The following LRRC37A2 variants were observed in gnomAD, a reference collection of about 807,000 sequenced individuals.
LRRC37A2 encodes the protein leucine-rich repeat-containing protein 37A2.
LRRC37A2 carries 9 observed loss-of-function variants against 68.8 expected under a neutral mutation model. That is an observed-to-expected ratio of 0.13 (90% CI 0.08 to 0.23). LRRC37A2 has a LOEUF of 0.23. Among genes scored for constraint, LRRC37A2 ranks in the 10% least tolerant of loss-of-function variants. The probability of loss-of-function intolerance (pLI) is 1.00; values close to 1 mark genes in which losing one functional copy is unlikely to be tolerated. For missense variants in LRRC37A2, 168 were observed against 950.4 expected (o/e 0.18, Z 10.82); for synonymous variants, 63 against 367.6 (o/e 0.17, Z 9.48).
chr17:46,784,967 C>T, the LRRC37A2 span, among the ~76,000 whole-genome samples: 46 of 152,066 alleles, frequency 3.0e-4, no homozygotes, highest in South Asian at 6.2e-4. Context: ...TTAGTAGAGA[C>T]GGGGTTTCAC....
chr17:46,972,387 T>C, the LRRC37A2 span, among the ~76,000 whole-genome samples: 1 of 152,232 alleles, frequency 6.6e-6, no homozygotes, highest in Admixed American at 6.5e-5. Flanking sequence ...CAAGGAGCTC[T>C]GGCTCTTGGC....
chr17:47,027,706 T>C, the LRRC37A2 span: 1 of 747,424 alleles, frequency 1.3e-6, no homozygotes, highest in African/African-American at 1.8e-5. Context: ...ATTCTTGAAA[T>C]ATAATTAAAA....
the LRRC37A2 span, among the ~76,000 whole-genome samples, chr17:46,741,632 A>G: frequency 6.6e-6 from 1 of 152,050 alleles, no homozygotes; most frequent in Non-Finnish European, 1.5e-5. Flanking sequence ...TAAACAAGAG[A>G]AATCAGAAAT....
the LRRC37A2 span, among the ~76,000 whole-genome samples, chr17:47,000,068 A>T: frequency 0.31 from 4,049 of 12,868 alleles, 723 homozygotes; most frequent in Non-Finnish European, 0.43. Flanking sequence ...TAAAATTAAA[A>T]TAAAATAAAA....
the LRRC37A2 span, among the ~76,000 whole-genome samples, chr17:46,586,380 TCACACACACA>T: frequency 1.1e-4 from 2 of 17,462 alleles, 1 homozygote; most frequent in African/African-American, 1.4e-4. Context: ...TCTCTCTCTG[TCACACACACA>T]CACACACACA....
At chr17:46,851,702 G>A in the LRRC37A2 span, 7 of 1,301,080 alleles carry the variant, frequency 5.4e-6, no homozygotes, top group African/African-American at 6.2e-5. The surrounding 1 kb of genome is among the most constrained non-coding windows in gnomAD (Gnocchi z 4.3). Context: ...CGCCGCCGCC[G>A]CCTCCTACTT....
At chr17:46,865,425 A>G in the LRRC37A2 span, among the ~76,000 whole-genome samples, 1 of 150,538 alleles carries the variant, frequency 6.6e-6, no homozygotes, top group African/African-American at 2.4e-5. Context: ...GTGGGGGACG[A>G]GGCTGTGGGG....
the LRRC37A2 span, among the ~76,000 whole-genome samples, chr17:46,895,227 G>A: frequency 2.6e-5 from 4 of 152,246 alleles, no homozygotes; most frequent in Admixed American, 2.0e-4. Flanking sequence ...GGTCAGTGCG[G>A]AGGCTGCTAG....
chr17:47,000,003 TAA>T, the LRRC37A2 span, among the ~76,000 whole-genome samples: 954 of 8,498 alleles, frequency 0.11, 27 homozygotes, highest in African/African-American at 0.16. Context: ...CATCTCAAAA[TAA>T]AATAAAATAA....
the LRRC37A2 span, chr17:46,851,587 G>A: frequency 9.3e-7 from 1 of 1,073,020 alleles, no homozygotes; most frequent in Non-Finnish European, 1.2e-6. The surrounding 1 kb of genome is among the most constrained non-coding windows in gnomAD (Gnocchi z 4.3). Flanking sequence ...TGGCGGAGCT[G>A]CGAGCTTGAG....
chr17:46,685,446 A>G, the LRRC37A2 span, among the ~76,000 whole-genome samples: 8 of 151,924 alleles, frequency 5.3e-5, no homozygotes, highest in Non-Finnish European at 8.8e-5. Flanking sequence ...TCACTTCTGT[A>G]ATTTTGGACA....
chr17:46,788,878 G>A, the LRRC37A2 span, among the ~76,000 whole-genome samples: 1 of 152,192 alleles, frequency 6.6e-6, no homozygotes, highest in Non-Finnish European at 1.5e-5. Flanking sequence ...GATGGCCATG[G>A]CCCTGCTGGC....
At chr17:46,736,349 C>T in the LRRC37A2 span, among the ~76,000 whole-genome samples, 1 of 152,178 alleles carries the variant, frequency 6.6e-6, no homozygotes, top group African/African-American at 2.4e-5. Context: ...GCTGAAGTTC[C>T]CCTTTTCTCC....
At chr17:46,909,284 G>A in the LRRC37A2 span, among the ~76,000 whole-genome samples, 2 of 152,156 alleles carry the variant, frequency 1.3e-5, no homozygotes, top group Non-Finnish European at 2.9e-5. Flanking sequence ...TCCTGCATTC[G>A]CTTCCCAAAG....
At chr17:46,502,670 A>G in the LRRC37A2 span, among the ~76,000 whole-genome samples, 1 of 151,278 alleles carries the variant, frequency 6.6e-6, no homozygotes, top group Non-Finnish European at 1.5e-5. Flanking sequence ...TAAATACAGA[A>G]AAGAGAATAA....
the LRRC37A2 span, among the ~76,000 whole-genome samples, chr17:46,727,738 T>C: frequency 6.6e-6 from 1 of 152,164 alleles, no homozygotes; most frequent in African/African-American, 2.4e-5. Context: ...TGTAAATTCC[T>C]TTATCTTAAC....
chr17:46,794,652 C>A, the LRRC37A2 span, among the ~76,000 whole-genome samples: 1 of 152,126 alleles, frequency 6.6e-6, no homozygotes, highest in Non-Finnish European at 1.5e-5. Context: ...TCCTATTGGT[C>A]TATAGATGCC....
the LRRC37A2 span, among the ~76,000 whole-genome samples, chr17:46,742,785 C>A: frequency 6.6e-6 from 1 of 152,112 alleles, no homozygotes; most frequent in African/African-American, 2.4e-5. Context: ...TTTCTACCAT[C>A]GGGGAGTTGA....
chr17:46,970,907 C>T, the LRRC37A2 span, among the ~76,000 whole-genome samples: 4 of 152,352 alleles, frequency 2.6e-5, no homozygotes, highest in Non-Finnish European at 4.4e-5. Context: ...TGGAGAAAAT[C>T]TCAAACCTAA....
Sources: gnomAD v4.1 joint callset for allele counts (sites outside exome capture counted in the v4.1 genomes callset) on GRCh38, gnomAD v4.1.1 for gene constraint, Gnocchi (gnomAD v3.1) non-coding constraint, MANE v1.5 for transcripts, NCBI Gene and HGNC (gene_info 2026-07-23, HGNC 2026-07-21) for gene names.